CAPN15: variants seen among roughly 807,000 people sequenced by gnomAD.
CAPN15 encodes calpain 15.
A neutral mutation model predicts 97.9 loss-of-function variants in CAPN15; 53 were observed. The observed-to-expected ratio is 0.54, with a 90% CI of 0.43 to 0.68. CAPN15 has a LOEUF of 0.68. CAPN15 is among the 30% of genes least tolerant of loss of function. CAPN15 has a pLI of 0.00. For synonymous variants in CAPN15, 922 were observed against 722.5 expected, an observed-to-expected ratio of 1.28 and a Z score of -4.43; for missense variants, 1,592 against 1,589.8, an observed-to-expected ratio of 1.00 and a Z score of -0.02.
rs1172000476 is a variant in CAPN15 at position 552,838 on chromosome 16, C to T, written c.2905-25C>T. 1.9e-6 allele frequency: 3 copies of T among 1,579,984 alleles called. No homozygotes were observed. In the South Asian group the frequency reaches 3.5e-5, roughly 18 times the overall value. ...AGTATGCCCCAGCACCTCCCCTGCCCCACAACTGCCATTCCTGTGCCCAGG... is the reference window on the plus strand; with the variant it reads ...AGTATGCCCCAGCACCTCCCCTGCCTCACAACTGCCATTCCTGTGCCCAGG... On this transcript the variant is annotated intron_variant, in intron 12 of 13. Transcript: ENST00000219611. The surrounding 1 kb of genome is among the most constrained non-coding windows in gnomAD (Gnocchi z 6.4).
At chr16:541,033 C>A (rs144548964) in intron 3 of CAPN15, among the ~76,000 whole-genome samples, 2 of 152,238 alleles carry the variant, frequency 1.3e-5, no homozygotes, top group African/African-American at 2.4e-5. Context: ...GCTCTCACAG[C>A]GGGTCCAGGC....
At chr16:550,736 C>CGGTGAG (rs2034949296) in intron 7 of CAPN15, among the ~76,000 whole-genome samples, 1 of 124,438 alleles carries the variant, frequency 8.0e-6, no homozygotes, top group African/African-American at 3.1e-5. Context: ...GGGTCCCCGT[C>CGGTGAG]GGTGAGGGTC....
chr16:549,621 C>T lies in CAPN15; in HGVS notation c.1849C>T (p.Arg617Trp), dbSNP rs1216982526. 9 of 1,542,952 alleles carry T rather than the reference C, an allele frequency of 5.8e-6. No individual in the cohort carries two copies. Among genetic ancestry groups the T allele is most frequent in the Admixed American group, 1.9e-5 (1 of 52,866 alleles). The change falls in exon 7 of 14, where the codon CGG becomes TGG. Residue 617 changes from arginine (R) to tryptophan (W), a missense_variant. Around this residue, in one of 3 missense-constraint regions of CAPN15, gnomAD observed 644 missense variants for 699.6 expected, o/e 0.92. Transcript: ENST00000219611. Reference protein sequence around the residue: ...AGCLLFSQAQRKQLWVALIEK... With the variant: ...AGCLLFSQAQWKQLWVALIEK... The stretch of plus-strand genomic sequence containing the variant: ...CTGACCCGGCCCTCTGCAGGCGCAG[C>T]GGAAGCAGCTGTGGGTGGCCCTCAT...
At chr16:543,017 C>T (rs982602537) in intron 3 of CAPN15, among the ~76,000 whole-genome samples, 7 of 152,226 alleles carry the variant, frequency 4.6e-5, no homozygotes, top group South Asian at 2.1e-4. Context: ...CACCACTGCA[C>T]TCCAGTGTGG....
chr16:533,706 G>A (rs929821700), intron 1 of CAPN15, among the ~76,000 whole-genome samples: 6 of 152,208 alleles, frequency 3.9e-5, no homozygotes, highest in African/African-American at 1.4e-4. Context: ...CAGGTCAAGG[G>A]CCTTAAACCA....
At position 535,631 on chromosome 16, in the gene CAPN15, C is replaced by G. The variant is rs928952651; in HGVS notation, c.-136-398C>G. Among the ~76,000 whole-genome samples the G allele has an allele frequency of 6.6e-6, 1 of 152,170 alleles. No homozygotes were observed. Among genetic ancestry groups the G allele is most frequent in the Non-Finnish European group, 1.5e-5 (1 of 68,016 alleles). On this transcript the variant is annotated intron_variant, in intron 2 of 13. Transcript: ENST00000219611. This position sits in a 1 kb window ranked among gnomAD's most constrained non-coding sequence, Gnocchi z 6.2. Reference sequence around the variant, plus strand: ...GGGGTCAGGCATGGATCCACACAGCCCGGGGCCCTCCGCACCCTGCCCCTC... The same window carrying G: ...GGGGTCAGGCATGGATCCACACAGCGCGGGGCCCTCCGCACCCTGCCCCTC...
chr16:528,102 C>A, intron 1 of CAPN15, 73 bp downstream of exon 1: 1 of 145,952 alleles, frequency 6.9e-6, no homozygotes, highest in South Asian at 2.0e-4. Flanking sequence ...GCCCGGAGGG[C>A]GGCGGGGAGC....
chr16:546,516 T>C (rs940090487), intron 3 of CAPN15, among the ~76,000 whole-genome samples: 23 of 152,142 alleles, frequency 1.5e-4, no homozygotes, highest in African/African-American at 5.1e-4. Flanking sequence ...ACAGGCCTGG[T>C]GACAGAGAAA....
chr16:537,417 G>A, intron 3 of CAPN15: 3 of 985,688 alleles, frequency 3.0e-6, no homozygotes, highest in East Asian at 1.1e-4. Flanking sequence ...CGGCACGCGT[G>A]ACCCCAGGTG....
chr16:536,572 G>C (rs1383477236), intron 3 of CAPN15, among the ~76,000 whole-genome samples: 1 of 152,124 alleles, frequency 6.6e-6, no homozygotes, highest in Non-Finnish European at 1.5e-5. Context: ...ACAGGCGCCC[G>C]CCACCACGCC....
intron 5 of CAPN15, 41 bp downstream of exon 5, chr16:549,242 G>GTGGT: frequency 3.3e-6 from 1 of 298,896 alleles, no homozygotes. Flanking sequence ...GGGTGGGCGG[G>GTGGT]CGACCGGCCG....
In CAPN15 at chr16:552,703, G is replaced by A. The variant is rs1424652296; in HGVS notation, c.2836G>A (p.Glu946Lys). ...GAGGCTGGTCATGGTGGAGCCCGTG[G>A]AAGCCCAGCCGACCACGCTGGCCGA... ...SSRLVMVEPV[E>K]AQPTTLADAI... The change falls in exon 12 of 14, where the codon GAA becomes AAA. Residue 946 changes from glutamate (E) to lysine (K), a missense_variant. Glu to Lys is a moderately conservative substitution (Grantham distance 56). Around this residue, in one of 3 missense-constraint regions of CAPN15, gnomAD observed 644 missense variants for 699.6 expected, o/e 0.92. Transcript: ENST00000219611. This position sits in a 1 kb window ranked among gnomAD's most constrained non-coding sequence, Gnocchi z 6.4. 5 of 1,544,386 alleles carry A rather than the reference G, an allele frequency of 3.2e-6. No homozygotes were observed. The highest frequency in any genetic ancestry group is 4.4e-6 in the Non-Finnish European group (5 of 1,146,040).
intron 7 of CAPN15, among the ~76,000 whole-genome samples, chr16:550,766 TGCCGGTGAGGGTCCCG>T (rs1567156956): frequency 7.9e-4 from 4 of 5,074 alleles, no homozygotes; most frequent in Non-Finnish European, 1.2e-3. Context: ...GAGGGTCCCC[TGCCGGTGAGGGTCCCG>T]GTCGGTGAGG....
chr16:542,917 G>A (rs967011810), intron 3 of CAPN15, among the ~76,000 whole-genome samples: 2 of 152,198 alleles, frequency 1.3e-5, no homozygotes, highest in Admixed American at 6.5e-5. Context: ...TGGGCGTGGT[G>A]ACGGGCACCT....
rs534426189 is a variant in CAPN15, at chr16:548,599, G to A, written c.1449+312G>A. Among the ~76,000 whole-genome samples, 22 of 152,362 alleles carry A rather than the reference G, an allele frequency of 1.4e-4. No homozygotes were observed. In the East Asian group the frequency reaches 3.7e-3, roughly 25 times the overall value. On this transcript the variant is annotated intron_variant, in intron 4 of 13. Transcript: ENST00000219611. The stretch of plus-strand genomic sequence containing the variant: ...GAGGCGAGGGCTTCCCAGGGGCAGC[G>A]TGGAGACCCCGCTGAAGTGCGAGGT...
At chr16:546,390 C>G (rs1051433303) in intron 3 of CAPN15, among the ~76,000 whole-genome samples, 1 of 152,208 alleles carries the variant, frequency 6.6e-6, no homozygotes, top group Non-Finnish European at 1.5e-5. Context: ...TCAGCCTGTG[C>G]CTTCCCCAGG....
chr16:528,728 G>T (rs2033031352), intron 1 of CAPN15: 1 of 985,352 alleles, frequency 1.0e-6, no homozygotes, highest in African/African-American at 1.7e-5. Flanking sequence ...CAGGTAACAA[G>T]ACCCGGAAAG....
intron 3 of CAPN15, among the ~76,000 whole-genome samples, chr16:544,796 G>GCC: frequency 1.8e-5 from 1 of 56,824 alleles, no homozygotes; most frequent in Non-Finnish European, 3.0e-5. Flanking sequence ...CCACGTCGTC[G>GCC]TCTCCCCCAC....
rs759980931 is a variant in CAPN15, at chr16:547,590, T to A, written c.752T>A (p.Val251Asp). ...CCCGTGCCGCGCAGCCGACGCGAGG[T>A]TCCCCCCCAGCTGCAGCCACCGGTG... is the stretch of plus-strand genomic sequence containing the variant. The part of the protein sequence containing the change: ...NNPVPRSRRE[V>D]PPQLQPPVPE... The change falls in exon 4 of 14, where the codon GTT becomes GAT. Residue 251 changes from valine to aspartate, a missense_variant. Coordinates refer to ENST00000219611, the MANE Select transcript of CAPN15 (RefSeq NM_005632.3). The A allele has an allele frequency of 3.8e-6, 6 of 1,577,242 alleles. No individual in the cohort carries two copies. The highest frequency in any genetic ancestry group is 3.4e-5 in the Admixed American group (2 of 58,766).
Sources: allele counts gnomAD v4.1 joint callset (sites outside exome capture counted in the v4.1 genomes callset), GRCh38; gene constraint gnomAD v4.1.1; regional missense constraint gnomAD v4.1.1; non-coding constraint Gnocchi (gnomAD v3.1); transcripts MANE v1.5; gene names NCBI Gene and HGNC (gene_info 2026-07-23, HGNC 2026-07-21).